The following ECHDC1 variants were observed in gnomAD, a reference collection of about 807,000 sequenced individuals.
ECHDC1 encodes the protein ethylmalonyl-CoA decarboxylase.
In ECHDC1, 29 loss-of-function variants were observed where a neutral mutation model predicts 29.7. The ratio of observed to expected loss-of-function variants is 0.98; its 90% CI spans 0.73 to 1.33. ECHDC1 has a LOEUF of 1.33. Among genes scored for constraint, ECHDC1 ranks in the 40% most tolerant of loss-of-function variants. The probability of loss-of-function intolerance (pLI) is 0.00; values close to 1 mark genes in which losing one functional copy is unlikely to be tolerated. For synonymous variants in ECHDC1, 126 were observed against 123.1 expected, an observed-to-expected ratio of 1.02 and a Z score of -0.15; for missense variants, 328 against 350.0, an observed-to-expected ratio of 0.94 and a Z score of 0.50.
At chr6:127,303,319 G>C (rs1781194447) in intron 5 of ECHDC1, among the ~76,000 whole-genome samples, 2 of 152,074 alleles carry the variant, frequency 1.3e-5, no homozygotes, top group African/African-American at 4.8e-5. Context: ...AAAATTCAGG[G>C]TAAAAGCCAA....
chr6:127,299,843 A>G (rs1029593687), intron 5 of ECHDC1, among the ~76,000 whole-genome samples: 2 of 152,216 alleles, frequency 1.3e-5, no homozygotes, highest in African/African-American at 4.8e-5. Flanking sequence ...CTATATGAGC[A>G]TTCAATTTTT....
At chr6:127,312,709 T>C (rs577069201) in intron 5 of ECHDC1, among the ~76,000 whole-genome samples, 9 of 152,264 alleles carry the variant, frequency 5.9e-5, no homozygotes, top group Non-Finnish European at 1.2e-4. Context: ...TAACACTTAC[T>C]GTGCTATATA....
At chr6:127,338,538 C>G (rs563292764) in intron 1 of ECHDC1, among the ~76,000 whole-genome samples, 5 of 151,830 alleles carry the variant, frequency 3.3e-5, no homozygotes, top group Non-Finnish European at 7.4e-5. Flanking sequence ...CTTTATTGCC[C>G]TTCTTTCTAA....
intron 5 of ECHDC1, among the ~76,000 whole-genome samples, chr6:127,295,540 T>A (rs1780529954): frequency 2.0e-5 from 3 of 152,194 alleles, no homozygotes; most frequent in Admixed American, 6.5e-5. Flanking sequence ...AATTTATGCA[T>A]CACCAAAAAT....
chr6:127,327,586 T>C (rs955708193), intron 2 of ECHDC1, among the ~76,000 whole-genome samples: 1 of 152,170 alleles, frequency 6.6e-6, no homozygotes, highest in African/African-American at 2.4e-5. Context: ...ATTGGACATA[T>C]GGTATACAGA....
chr6:127,315,063 T>C (rs1283827064), intron 4 of ECHDC1, 167 bp from the exon 5 acceptor site: 1 of 722,234 alleles, frequency 1.4e-6, no homozygotes, highest in East Asian at 2.7e-5. Context: ...CTTTACATCA[T>C]GAGAAGAAAA....
chr6:127,322,433 T>C (rs1035817876), intron 3 of ECHDC1, among the ~76,000 whole-genome samples: 10 of 152,272 alleles, frequency 6.6e-5, no homozygotes, highest in Admixed American at 5.9e-4. Flanking sequence ...CAGCAACAAG[T>C]GACGAACACT....
At chr6:127,308,581 C>T (rs1781632647) in intron 5 of ECHDC1, among the ~76,000 whole-genome samples, 1 of 152,120 alleles carries the variant, frequency 6.6e-6, no homozygotes, top group South Asian at 2.1e-4. Context: ...AGCCTTCTCT[C>T]TAAGATCTAC....
chr6:127,289,093 AAAAAG>A lies in ECHDC1; in HGVS notation c.*771_*775del, dbSNP rs1231471985. 8 of 152,086 alleles carry A rather than the reference AAAAAG, an allele frequency of 5.3e-5. No homozygotes were observed. Among genetic ancestry groups the A allele is most frequent in the African/African-American group, 1.9e-4 (8 of 41,438 alleles). The allele number at this position is 152,086 out of a possible 1,614,324, so 9.4% of individuals were successfully genotyped here. The stretch of plus-strand genomic sequence containing the variant: ...AGAAGGTTAGTTGTTTTTCAGGAAA[AAAAAG>A]AAATCTGATGTAAAAATGCAAATTT... On this transcript the variant is annotated 3_prime_UTR_variant, in exon 6 of 6. Coordinates refer to ENST00000454859, the MANE Select transcript of ECHDC1 (RefSeq NM_001002030.2).
At chr6:127,333,380 T>C (rs1784136101) in intron 1 of ECHDC1, among the ~76,000 whole-genome samples, 1 of 152,126 alleles carries the variant, frequency 6.6e-6, no homozygotes, top group South Asian at 2.1e-4. Context: ...ATTATATAAA[T>C]ATACCACAAT....
intron 5 of ECHDC1, among the ~76,000 whole-genome samples, chr6:127,311,728 A>AAAACTG (rs1359983414): frequency 1.4e-5 from 2 of 144,598 alleles, no homozygotes; most frequent in East Asian, 4.0e-4. Flanking sequence ...AGAAAGAAAG[A>AAAACTG]AAACTGGGAT....
chr6:127,318,686 A>AT (rs1458275980), intron 3 of ECHDC1, among the ~76,000 whole-genome samples: 1 of 152,242 alleles, frequency 6.6e-6, no homozygotes. Flanking sequence ...AAGTCCCTTG[A>AT]TGGTGACAGT....
chr6:127,302,148 AAAGGATT>A (rs1781100920), intron 5 of ECHDC1, among the ~76,000 whole-genome samples: 1 of 152,216 alleles, frequency 6.6e-6, no homozygotes, highest in South Asian at 2.1e-4. Flanking sequence ...TAGCAGTATT[AAAGGATT>A]AAATAATCTC....
intron 5 of ECHDC1, among the ~76,000 whole-genome samples, chr6:127,294,343 C>T (rs530054624): frequency 6.6e-6 from 1 of 152,344 alleles, no homozygotes; most frequent in Non-Finnish European, 1.5e-5. Context: ...GCAACAGCAT[C>T]TCTGACCACA....
intron 3 of ECHDC1, among the ~76,000 whole-genome samples, chr6:127,319,520 C>A (rs1429246276): frequency 6.6e-6 from 1 of 152,052 alleles, no homozygotes; most frequent in East Asian, 1.9e-4. Context: ...GGCCAACATG[C>A]CCTAGAGATG....
chr6:127,332,199 T>C (rs2114687822), intron 1 of ECHDC1, among the ~76,000 whole-genome samples: 1 of 152,322 alleles, frequency 6.6e-6, no homozygotes. Flanking sequence ...TCTTGACTTC[T>C]AATACACGAG....
At chr6:127,343,163 G>C (rs979006757) in intron 1 of ECHDC1, 173 bp downstream of exon 1, 1 of 152,172 alleles carries the variant, frequency 6.6e-6, no homozygotes, top group Non-Finnish European at 1.5e-5. Context: ...CGTCCAGCGC[G>C]GGGCAGGCCT....
chr6:127,311,013 A>G (rs1781853868), intron 5 of ECHDC1, among the ~76,000 whole-genome samples: 1 of 152,186 alleles, frequency 6.6e-6, no homozygotes, highest in Non-Finnish European at 1.5e-5. Context: ...TTCAAACATA[A>G]TGCTATTACA....
chr6:127,342,587 G>C, intron 1 of ECHDC1: 1 of 504,844 alleles, frequency 2.0e-6, no homozygotes. Context: ...TCTAAAGAAG[G>C]AGCCCTTTGT....
Sources: gnomAD v4.1 joint callset for allele counts (sites outside exome capture counted in the v4.1 genomes callset) on GRCh38, gnomAD v4.1.1 for gene constraint, MANE v1.5 for transcripts, NCBI Gene and HGNC (gene_info 2026-07-23, HGNC 2026-07-21) for gene names.